Variants in SLC4A4 observed in about 807,000 individuals in gnomAD.
The protein encoded by SLC4A4 is solute carrier family 4 member 4, also known as electrogenic sodium bicarbonate cotransporter 1.
Under a neutral mutation model 111.5 loss-of-function variants are expected in SLC4A4, and 27 were observed. The observed-to-expected ratio is 0.24, with a 90% CI of 0.18 to 0.33. The LOEUF is 0.33. Among genes scored for constraint, SLC4A4 ranks in the 10% least tolerant of loss-of-function variants. The probability of loss-of-function intolerance (pLI) is 1.00; values close to 1 mark genes in which losing one functional copy is unlikely to be tolerated. For synonymous variants in SLC4A4, 443 were observed against 463.4 expected, an observed-to-expected ratio of 0.96 and a Z score of 0.57; for missense variants, 909 against 1,315.5, an observed-to-expected ratio of 0.69 and a Z score of 4.78.
chr4:71,084,364 T>A (rs977737044), intron 1 of SLC4A4, among the ~76,000 whole-genome samples: 1 of 152,076 alleles, frequency 6.6e-6, no homozygotes, highest in Non-Finnish European at 1.5e-5. Context: ...TCAACTCCCA[T>A]TTAAACCCAC....
chr4:71,390,417 A>C (rs1273553749), intron 6 of SLC4A4, among the ~76,000 whole-genome samples: 1 of 152,214 alleles, frequency 6.6e-6, no homozygotes, highest in Non-Finnish European at 1.5e-5. Context: ...ATGAATGAAG[A>C]CATTCAGAAG....
At chr4:71,107,132 C>A (rs1335614057) in intron 2 of SLC4A4, among the ~76,000 whole-genome samples, 1 of 151,696 alleles carries the variant, frequency 6.6e-6, no homozygotes, top group Admixed American at 6.6e-5. Flanking sequence ...TGTTATCTAT[C>A]TTGTAGATAG....
At chr4:71,433,608 C>A (rs920930691) in intron 7 of SLC4A4, among the ~76,000 whole-genome samples, 3 of 152,046 alleles carry the variant, frequency 2.0e-5, no homozygotes, top group Non-Finnish European at 2.9e-5. Flanking sequence ...ATGATAGTTT[C>A]TTTTGCTGTG....
At chr4:71,531,527 C>T (rs1733913345) in intron 16 of SLC4A4, among the ~76,000 whole-genome samples, 1 of 152,010 alleles carries the variant, frequency 6.6e-6, no homozygotes, top group Non-Finnish European at 1.5e-5. Context: ...AACTTCTAAG[C>T]CCTCCCATGC....
chr4:71,295,833 G>GT lies in SLC4A4; in HGVS notation c.253+40439dup, dbSNP rs200076033. The stretch of plus-strand genomic sequence containing the variant: ...ACCACCATGCCTGGCTAATTTTTGT[G>GT]TTTTTAGTAGAGACAGGGGTTTCAC... On this transcript the variant is annotated intron_variant, in intron 3 of 25. Transcript: ENST00000264485. 9.9e-5 allele frequency among the ~76,000 whole-genome samples: 15 copies of GT among 151,832 alleles called. No individual in the cohort carries two copies. In the East Asian group the frequency reaches 2.5e-3, roughly 26 times the overall value.
intron 2 of SLC4A4, among the ~76,000 whole-genome samples, chr4:71,128,423 G>T (rs932605539): frequency 6.6e-6 from 1 of 152,126 alleles, no homozygotes; most frequent in Non-Finnish European, 1.5e-5. Context: ...AGATTTGAGT[G>T]GGGACACAGA....
chr4:71,311,340 A>C (rs1726142609), intron 3 of SLC4A4, among the ~76,000 whole-genome samples: 1 of 152,174 alleles, frequency 6.6e-6, no homozygotes, highest in Non-Finnish European at 1.5e-5. Flanking sequence ...TGGACCAAGC[A>C]GACCTAATAG....
chr4:71,386,284 A>T (rs1316009423), intron 6 of SLC4A4, among the ~76,000 whole-genome samples: 4 of 152,076 alleles, frequency 2.6e-5, no homozygotes, highest in Non-Finnish European at 5.9e-5. Context: ...AGGAATTTTT[A>T]AATTTTTTTT....
intron 16 of SLC4A4, among the ~76,000 whole-genome samples, chr4:71,505,917 A>T (rs936824967): frequency 6.6e-6 from 1 of 152,104 alleles, no homozygotes; most frequent in African/African-American, 2.4e-5. Context: ...ATGGCTAGCT[A>T]GTTCTCTTGG....
chr4:71,531,325 A>C (rs915952261), intron 16 of SLC4A4, among the ~76,000 whole-genome samples: 29 of 152,158 alleles, frequency 1.9e-4, no homozygotes, highest in African/African-American at 7.0e-4. Context: ...AGAAATTTGG[A>C]GAGTTATCAG....
intron 1 of SLC4A4, among the ~76,000 whole-genome samples, chr4:71,074,076 G>A (rs1016227705): frequency 2.6e-5 from 4 of 152,130 alleles, no homozygotes; most frequent in African/African-American, 9.7e-5. Context: ...CTATAAGAGA[G>A]ATTTGCTTAC....
intron 2 of SLC4A4, among the ~76,000 whole-genome samples, chr4:71,114,206 A>G (rs985770659): frequency 1.3e-5 from 2 of 152,206 alleles, no homozygotes; most frequent in Non-Finnish European, 2.9e-5. Flanking sequence ...AGATGGCGCC[A>G]CTGCACTCCA....
At chr4:71,367,813 C>CA (rs1731465181) in intron 6 of SLC4A4, among the ~76,000 whole-genome samples, 1 of 152,142 alleles carries the variant, frequency 6.6e-6, no homozygotes, top group African/African-American at 2.4e-5. Flanking sequence ...GATAAATTGA[C>CA]AAAAATGTTT....
chr4:71,264,463 A>AAT (rs1722091792), intron 3 of SLC4A4, among the ~76,000 whole-genome samples: 1 of 152,148 alleles, frequency 6.6e-6, no homozygotes, highest in African/African-American at 2.4e-5. Context: ...GAATAATTTA[A>AAT]GTGTAATGGA....
chr4:71,485,618 C>T (rs528690826), intron 14 of SLC4A4, among the ~76,000 whole-genome samples: 1 of 151,632 alleles, frequency 6.6e-6, no homozygotes, highest in South Asian at 2.1e-4. Context: ...AATAGAGAAA[C>T]TCTGGCAACA....
chr4:71,528,369 G>A (rs1026663469), intron 16 of SLC4A4, among the ~76,000 whole-genome samples: 9 of 152,038 alleles, frequency 5.9e-5, no homozygotes, highest in African/African-American at 2.2e-4. Flanking sequence ...GCTTCATTAA[G>A]CTACAGAAAT....
intron 3 of SLC4A4, among the ~76,000 whole-genome samples, chr4:71,259,078 A>G (rs1199328324): frequency 6.6e-6 from 1 of 152,170 alleles, no homozygotes; most frequent in African/African-American, 2.4e-5. Context: ...GTAGTGCTCT[A>G]TGATTGCCCC....
At chr4:71,367,508 T>C (rs1432929893) in intron 6 of SLC4A4, among the ~76,000 whole-genome samples, 1 of 152,216 alleles carries the variant, frequency 6.6e-6, no homozygotes, top group Non-Finnish European at 1.5e-5. Context: ...TATTGGCTCT[T>C]TAAGCAGATC....
chr4:71,524,258 C>A (rs1023340415), intron 16 of SLC4A4, among the ~76,000 whole-genome samples: 2 of 152,078 alleles, frequency 1.3e-5, no homozygotes, highest in Non-Finnish European at 2.9e-5. Flanking sequence ...AAGATAGTAA[C>A]CAGATTGAGA....
Sources: allele counts gnomAD v4.1 joint callset (sites outside exome capture counted in the v4.1 genomes callset), GRCh38; gene constraint gnomAD v4.1.1; transcripts MANE v1.5; gene names NCBI Gene and HGNC (gene_info 2026-07-23, HGNC 2026-07-21).